ADGRL4: variants seen among roughly 807,000 people sequenced by gnomAD.
ADGRL4 encodes the protein EGF, latrophilin and seven transmembrane domain containing 1.
Under a neutral mutation model 74.8 loss-of-function variants are expected in ADGRL4, and 90 were observed. The observed-to-expected ratio is 1.20, with a 90% confidence interval of 1.02 to 1.43. The LOEUF (loss-of-function observed/expected upper bound fraction) is 1.43. Among genes scored for constraint, ADGRL4 ranks in the 40% most tolerant of loss-of-function variants. The pLI is 0.00. For synonymous variants in ADGRL4, 311 were observed against 279.2 expected (o/e 1.11, Z -1.14); for missense variants, 881 against 814.3 (o/e 1.08, Z -1.00).
chr1:78,932,310 G>A (rs958242784), intron 7 of ADGRL4, among the ~76,000 whole-genome samples: 5 of 151,406 alleles, frequency 3.3e-5, no homozygotes, highest in Non-Finnish European at 5.9e-5. Context: ...TGAACAACCT[G>A]CTCCTGAATG....
chr1:78,979,558 A>G (rs1570268785), intron 2 of ADGRL4, among the ~76,000 whole-genome samples: 4 of 152,104 alleles, frequency 2.6e-5, no homozygotes, highest in East Asian at 3.9e-4. Context: ...GTATCTGCCC[A>G]AAGGAAAAGA....
chr1:78,952,328 C>CTTTTTTTTTTTTTTT (rs10647389), intron 2 of ADGRL4, among the ~76,000 whole-genome samples: 8 of 119,724 alleles, frequency 6.7e-5, no homozygotes, highest in Non-Finnish European at 1.2e-4. Flanking sequence ...ACATAGAAAG[C>CTTTTTTTTTTTTTTT]TTTTTTTTTT....
At chr1:78,912,553 C>T (rs1648783771) in intron 12 of ADGRL4, among the ~76,000 whole-genome samples, 1 of 151,794 alleles carries the variant, frequency 6.6e-6, no homozygotes, top group African/African-American at 2.4e-5. Flanking sequence ...GCCAATTACC[C>T]CTCCTCAACA....
In ADGRL4 at chr1:78,937,804, T is replaced by C. The variant is rs1649385941; in HGVS notation, c.760+3A>G. On this transcript the variant is annotated splice_donor_region_variant and intron_variant, in intron 6 of 14. Transcript: ENST00000370742. ...TACTTTTAAATGGACCCTTGTTTCTTACCTATATCCGTTGAATTTGTATCA... is the reference window on the plus strand; with the variant it reads ...TACTTTTAAATGGACCCTTGTTTCTCACCTATATCCGTTGAATTTGTATCA... The C allele has an allele frequency of 6.3e-7, 1 of 1,597,836 alleles. No individual in the cohort carries two copies. Among genetic ancestry groups the C allele is most frequent in the South Asian group, 1.1e-5 (1 of 87,260 alleles).
intron 1 of ADGRL4, 76 bp downstream of exon 1, chr1:79,006,557 C>A: frequency 6.7e-7 from 1 of 1,501,554 alleles, no homozygotes. Context: ...TGAGCTCCAC[C>A]TCTTAAAAAA....
chr1:79,004,434 G>A (rs1243795378), intron 2 of ADGRL4, among the ~76,000 whole-genome samples: 1 of 152,054 alleles, frequency 6.6e-6, no homozygotes, highest in Non-Finnish European at 1.5e-5. Flanking sequence ...ATTATCAGAT[G>A]GTGTTCTGCT....
At chr1:78,952,213 T>C (rs551345472) in intron 2 of ADGRL4, among the ~76,000 whole-genome samples, 5 of 152,150 alleles carry the variant, frequency 3.3e-5, no homozygotes, top group African/African-American at 1.2e-4. Flanking sequence ...ACATTTTCCC[T>C]CTGGACGTGA....
In ADGRL4 at chr1:78,891,109, A is replaced by G. The variant is rs1209469756; in HGVS notation, c.*45T>C. 1 of 1,588,144 alleles carries G rather than the reference A, an allele frequency of 6.3e-7. No individual in the cohort carries two copies. The highest frequency in any genetic ancestry group is 2.2e-5 in the East Asian group (1 of 44,550). ...TATACATTGGTCATCCACAGCTTGG[A>G]ATTTTTATTTTTGTGCAGTTGTAAT... On this transcript the variant is annotated 3_prime_UTR_variant, in exon 15 of 15. Transcript: ENST00000370742.
chr1:78,912,737 T>C (rs2200810), intron 12 of ADGRL4, among the ~76,000 whole-genome samples: 47,579 of 151,606 alleles, frequency 0.31, 8,015 homozygotes, highest in South Asian at 0.44. Context: ...CCTGAGGCTA[T>C]ACCAGGCCAG....
At chr1:78,904,720 A>T (rs1648594346) in intron 12 of ADGRL4, among the ~76,000 whole-genome samples, 2 of 152,058 alleles carry the variant, frequency 1.3e-5, no homozygotes, top group Non-Finnish European at 2.9e-5. Flanking sequence ...TCCAGTTTTC[A>T]TACTTACAAG....
intron 12 of ADGRL4, among the ~76,000 whole-genome samples, chr1:78,895,977 G>A (rs562249613): frequency 2.6e-5 from 4 of 152,042 alleles, no homozygotes; most frequent in African/African-American, 9.6e-5. Context: ...CCTTAAATAG[G>A]GATTTCTAAG....
Position 78,994,872 on chromosome 1 carries a change from C to T in ADGRL4, c.172+10198G>A, listed in dbSNP as rs1650682389. ...TTACCCTCAGAATGAATAAATGTAG[C>T]TTTTGGATTTACTTCCTAGCTGAGA... On this transcript the variant is annotated intron_variant, in intron 2 of 14. Coordinates refer to ENST00000370742, the MANE Select transcript of ADGRL4 (RefSeq NM_022159.4). 2.0e-5 allele frequency among the ~76,000 whole-genome samples: 3 copies of T among 152,122 alleles called. No homozygotes were observed. The South Asian group carries it at 6.2e-4, about 31-fold the overall frequency.
At chr1:78,970,559 A>T (rs1650148081) in intron 2 of ADGRL4, among the ~76,000 whole-genome samples, 1 of 152,164 alleles carries the variant, frequency 6.6e-6, no homozygotes, top group Admixed American at 6.5e-5. Flanking sequence ...GCAAGGACAG[A>T]AGAGGGAAAA....
intron 2 of ADGRL4, among the ~76,000 whole-genome samples, chr1:78,946,888 G>A (rs1246649567): frequency 6.6e-6 from 1 of 151,898 alleles, no homozygotes; most frequent in African/African-American, 2.4e-5. Context: ...GCATTACTTG[G>A]CACACAATCT....
chr1:78,951,471 C>T (rs186539959), intron 2 of ADGRL4, among the ~76,000 whole-genome samples: 6 of 152,162 alleles, frequency 3.9e-5, no homozygotes, highest in East Asian at 1.9e-4. Context: ...CATATGTCTA[C>T]GATATATTTT....
chr1:79,002,062 A>ACAT (rs1255069414), intron 2 of ADGRL4, among the ~76,000 whole-genome samples: 2 of 152,102 alleles, frequency 1.3e-5, no homozygotes, highest in Non-Finnish European at 2.9e-5. Flanking sequence ...AGGGTTAGAG[A>ACAT]CATTAGCAAT....
At chr1:78,919,879 C>T (rs971028528) in intron 10 of ADGRL4, among the ~76,000 whole-genome samples, 1 of 151,846 alleles carries the variant, frequency 6.6e-6, no homozygotes, top group Non-Finnish European at 1.5e-5. Flanking sequence ...TCTCCTTGGC[C>T]TTTGTTTAAC....
At chr1:78,911,256 T>C (rs747037707) in intron 12 of ADGRL4, among the ~76,000 whole-genome samples, 37 of 151,954 alleles carry the variant, frequency 2.4e-4, no homozygotes, top group Middle Eastern at 6.8e-3. Flanking sequence ...GATTGCTCTA[T>C]AGAGATTTCT....
rs1013056509 is a variant in ADGRL4, at chr1:78,936,379, T to C, written c.793A>G (p.Met265Val). The C allele has an allele frequency of 1.3e-6, 2 of 1,571,662 alleles. No individual in the cohort carries two copies. Among genetic ancestry groups the C allele is most frequent in the Non-Finnish European group, 1.7e-6 (2 of 1,166,472 alleles). ...LKVFFFDSYN[M>V]KHIHPHMNMD... ...TTCATATGAGGATGAATATGTTTCATGTTATATGAATCAAAAAAGAAAACT... is the reference window on the plus strand; with the variant it reads ...TTCATATGAGGATGAATATGTTTCACGTTATATGAATCAAAAAAGAAAACT... Residue 265 changes from methionine to valine, a missense_variant, in exon 7 of 15, where the codon ATG becomes GTG. By Grantham distance (21) the Met-to-Val change is conservative (BLOSUM62 1). Transcript: ENST00000370742.
Sources: allele counts gnomAD v4.1 joint callset (sites outside exome capture counted in the v4.1 genomes callset), GRCh38; gene constraint gnomAD v4.1.1; transcripts MANE v1.5; gene names NCBI Gene and HGNC (gene_info 2026-07-23, HGNC 2026-07-21).